The following TTC28 variants were observed in gnomAD, a reference collection of about 807,000 sequenced individuals.
TTC28 encodes tetratricopeptide repeat protein 28.
TTC28 carries 61 observed loss-of-function variants against 198.0 expected under a neutral mutation model. The observed-to-expected ratio is 0.31, with a 90% CI of 0.25 to 0.38. The LOEUF is 0.38. Ranked by LOEUF, TTC28 falls within the 10% of genes least tolerant of loss-of-function variation. The probability of loss-of-function intolerance (pLI) is 1.00; values close to 1 mark genes in which losing one functional copy is unlikely to be tolerated. For synonymous variants in TTC28, 1,171 were observed against 1,297.8 expected (o/e 0.90, Z 2.10); for missense variants, 2,678 against 3,164.0 (o/e 0.85, Z 3.69).
chr22:28,243,201 A>AAAAAAAAAAC (rs1929805402), intron 5 of TTC28, among the ~76,000 whole-genome samples: 1 of 113,498 alleles, frequency 8.8e-6, no homozygotes, highest in Admixed American at 9.0e-5. Context: ...AAAAAAAAAA[A>AAAAAAAAAAC]AAAAAAAAAA....
At chr22:28,567,111 A>G (rs1330399576) in intron 2 of TTC28, among the ~76,000 whole-genome samples, 1 of 150,338 alleles carries the variant, frequency 6.7e-6, no homozygotes, top group Admixed American at 6.7e-5. Flanking sequence ...GCTACTTGGG[A>G]GGCTGAGGCA....
At position 28,387,275 on chromosome 22, in the gene TTC28, G is replaced by C. The variant is rs1374829372; in HGVS notation, c.382-80632C>G. On this transcript the variant is annotated intron_variant, in intron 2 of 22. Coordinates refer to ENST00000397906, the MANE Select transcript of TTC28 (RefSeq NM_001145418.2). ...ACATTTGGGTTGGTTCCAAGTCTTT[G>C]CTATTGTGAATAATGCCGCAATAAA... is the stretch of plus-strand genomic sequence containing the variant. Among the ~76,000 whole-genome samples the C allele has an allele frequency of 2.6e-5, 4 of 152,246 alleles. No homozygotes were observed. The East Asian group carries it at 7.7e-4, about 29-fold the overall frequency.
chr22:28,455,209 C>T (rs1286214003), intron 2 of TTC28, among the ~76,000 whole-genome samples: 3 of 152,282 alleles, frequency 2.0e-5, no homozygotes, highest in South Asian at 4.1e-4. Flanking sequence ...CAAGAGATAA[C>T]TTTCCATGTT....
chr22:28,612,735 G>C (rs2050839656), intron 2 of TTC28, among the ~76,000 whole-genome samples: 1 of 152,078 alleles, frequency 6.6e-6, no homozygotes, highest in Admixed American at 6.6e-5. Context: ...GAATACTACT[G>C]GGTAAATAAC....
intron 2 of TTC28, among the ~76,000 whole-genome samples, chr22:28,554,531 T>C (rs996431172): frequency 2.6e-5 from 4 of 152,116 alleles, no homozygotes; most frequent in African/African-American, 7.2e-5. Context: ...ATAAGATACA[T>C]TGATGGGACT....
At chr22:28,596,486 G>C (rs982904934) in intron 2 of TTC28, among the ~76,000 whole-genome samples, 5 of 152,076 alleles carry the variant, frequency 3.3e-5, no homozygotes, top group African/African-American at 1.2e-4. Flanking sequence ...CTAGTAGATG[G>C]CACTAAAAGG....
chr22:28,439,141 C>CA (rs1568943824), intron 2 of TTC28, among the ~76,000 whole-genome samples: 1 of 151,674 alleles, frequency 6.6e-6, no homozygotes. Context: ...TCCTTGGCAC[C>CA]AAAAAAAGAG....
At chr22:28,583,409 G>A (rs747842622) in intron 2 of TTC28, among the ~76,000 whole-genome samples, 4 of 152,064 alleles carry the variant, frequency 2.6e-5, no homozygotes, top group East Asian at 1.9e-4. Context: ...TTAAAATGCC[G>A]GATAAAAAGC....
intron 5 of TTC28, among the ~76,000 whole-genome samples, chr22:28,196,437 T>A (rs2147141027): frequency 6.6e-6 from 1 of 152,050 alleles, no homozygotes; most frequent in South Asian, 2.1e-4. Context: ...AATTGACAAA[T>A]GGGATCTAAT....
chr22:28,189,528 T>C (rs1194946927), intron 5 of TTC28, among the ~76,000 whole-genome samples: 2 of 150,864 alleles, frequency 1.3e-5, no homozygotes, highest in South Asian at 2.1e-4. Context: ...AGAAATTTTT[T>C]CCTAGAAACT....
chr22:28,367,653 C>T (rs1372363224), intron 2 of TTC28, among the ~76,000 whole-genome samples: 2 of 151,584 alleles, frequency 1.3e-5, no homozygotes, highest in Non-Finnish European at 2.9e-5. Context: ...AAAAGATAAA[C>T]TAAATTGACA....
Position 28,679,609 on chromosome 22 carries a change from C to A in TTC28, c.102+13G>T. On this transcript the variant is annotated intron_variant, in intron 1 of 22. Coordinates refer to ENST00000397906, the MANE Select transcript of TTC28 (RefSeq NM_001145418.2). ...AAAGAAAGTCTCCCGGCCCGAGCCC[C>A]TCACGCACTCACCGGCGCCGACGCC... The A allele has an allele frequency of 6.9e-7, 1 of 1,452,610 alleles. No homozygotes were observed. The highest frequency in any genetic ancestry group is 1.3e-5 in the South Asian group (1 of 77,542). 90.0% of individuals were successfully genotyped at this position (1,452,610 alleles called of 1,614,324 possible). A position where few individuals can be genotyped will look rare whatever the true frequency, so the allele number is the denominator to read the frequency against.
chr22:28,489,764 A>C (rs1421307527), intron 2 of TTC28, among the ~76,000 whole-genome samples: 1 of 152,170 alleles, frequency 6.6e-6, no homozygotes, highest in Non-Finnish European at 1.5e-5. Context: ...CCCAAAAGGC[A>C]AAATAAATAA....
At chr22:28,243,648 G>C (rs1399314398) in intron 5 of TTC28, among the ~76,000 whole-genome samples, 2 of 152,110 alleles carry the variant, frequency 1.3e-5, no homozygotes, top group Admixed American at 1.3e-4. Flanking sequence ...TTGAGTTTTA[G>C]AGAACGTGGA....
At chr22:28,004,927 G>A (rs2146560042) in intron 14 of TTC28, among the ~76,000 whole-genome samples, 1 of 152,334 alleles carries the variant, frequency 6.6e-6, no homozygotes, top group South Asian at 2.1e-4. Flanking sequence ...GGGCCTGTCA[G>A]CCTCAGAAAG....
intron 14 of TTC28, among the ~76,000 whole-genome samples, chr22:28,009,870 G>A (rs1938074468): frequency 6.6e-6 from 1 of 152,234 alleles, no homozygotes; most frequent in South Asian, 2.1e-4. Flanking sequence ...CAACTTTTCA[G>A]TTAAGTGTTT....
intron 12 of TTC28, among the ~76,000 whole-genome samples, chr22:28,043,221 T>G (rs947383698): frequency 1.1e-5 from 1 of 89,294 alleles, no homozygotes; most frequent in Non-Finnish European, 2.0e-5. Flanking sequence ...CCAGCCTGCA[T>G]AACAGAGTAA....
chr22:28,417,300 T>TAAAAAAAAAAAAAA (rs68164494), intron 2 of TTC28, among the ~76,000 whole-genome samples: 1 of 44,650 alleles, frequency 2.2e-5, no homozygotes, highest in African/African-American at 9.4e-5. Flanking sequence ...CTGTCTCTAC[T>TAAAAAAAAAAAAAA]AAAAAAAAAA....
chr22:28,160,748 G>A (rs1417127256), intron 6 of TTC28, among the ~76,000 whole-genome samples: 2 of 152,224 alleles, frequency 1.3e-5, no homozygotes, highest in East Asian at 3.8e-4. Flanking sequence ...ATATTAATGT[G>A]AGGGGGTGAG....
Sources: gnomAD v4.1 joint callset for allele counts (sites outside exome capture counted in the v4.1 genomes callset) on GRCh38, gnomAD v4.1.1 for gene constraint, MANE v1.5 for transcripts, NCBI Gene and HGNC (gene_info 2026-07-23, HGNC 2026-07-21) for gene names.